BMPER: variants seen among roughly 807,000 people sequenced by gnomAD.
BMPER encodes the protein BMP-binding endothelial regulator protein.
In BMPER, 45 loss-of-function variants were observed where a neutral mutation model predicts 87.3. The ratio of observed to expected loss-of-function variants is 0.52; its 90% CI spans 0.41 to 0.66. The LOEUF (loss-of-function observed/expected upper bound fraction) is 0.66. Ranked by LOEUF, BMPER falls within the 30% of genes least tolerant of loss-of-function variation. BMPER has a pLI of 0.00. For synonymous variants in BMPER, 326 were observed against 316.2 expected (o/e 1.03, Z -0.33); for missense variants, 784 against 867.5 (o/e 0.90, Z 1.21).
intron 11 of BMPER, among the ~76,000 whole-genome samples, chr7:34,067,520 T>C (rs1788624894): frequency 6.6e-6 from 1 of 152,060 alleles, no homozygotes. Flanking sequence ...TGTAAGCAAC[T>C]CCAGGTCCCT....
Position 34,025,032 on chromosome 7 carries a change from A to G in BMPER, c.577-21274A>G, listed in dbSNP as rs182313393. ...AGGATATAAAGCTGTAGTAACTTGT[A>G]AGCAATGATTCAGGTGTTCTATTTT... On this transcript the variant is annotated intron_variant, in intron 6 of 14. Transcript: ENST00000649409. 2.2e-3 allele frequency among the ~76,000 whole-genome samples: 333 copies of G among 152,194 alleles called. 1 individual carries two copies. The highest frequency in any genetic ancestry group is 0.021 in the South Asian group (99 of 4,828).
In BMPER at chr7:33,954,038, A is replaced by G. The variant is rs187314302; in HGVS notation, c.320-12441A>G. ...TGAATATACTGCATTTTGTTTATCT[A>G]CTCATTTGTTGATAGACATTTGTGT... On this transcript the variant is annotated intron_variant, in intron 3 of 14. Transcript: ENST00000649409. Among the ~76,000 whole-genome samples the G allele has an allele frequency of 2.8e-4, 42 of 152,126 alleles. 1 individual carries two copies. The East Asian group carries it at 7.5e-3, about 27-fold the overall frequency.
chr7:33,991,972 G>T (rs1428285668), intron 6 of BMPER, among the ~76,000 whole-genome samples: 2 of 144,936 alleles, frequency 1.4e-5, no homozygotes, highest in African/African-American at 2.6e-5. Context: ...TTGCACTGTG[G>T]TCTGAGAGAT....
At chr7:34,150,797 G>A (rs963263304) in intron 14 of BMPER, among the ~76,000 whole-genome samples, 1 of 152,254 alleles carries the variant, frequency 6.6e-6, no homozygotes, top group East Asian at 1.9e-4. Context: ...CCTGCAGAAG[G>A]TAAAGAAACA....
chr7:33,965,126 G>A (rs1398460314), intron 3 of BMPER, among the ~76,000 whole-genome samples: 1 of 152,096 alleles, frequency 6.6e-6, no homozygotes, highest in Non-Finnish European at 1.5e-5. Flanking sequence ...GTGTGCTAGG[G>A]GTTCCTGTGG....
At chr7:34,091,870 C>G (rs1482320383) in intron 13 of BMPER, among the ~76,000 whole-genome samples, 1 of 152,146 alleles carries the variant, frequency 6.6e-6, no homozygotes, top group Non-Finnish European at 1.5e-5. Flanking sequence ...TTAGTTATTC[C>G]AATTGTGCTT....
At chr7:34,039,613 C>G (rs901987043) in intron 6 of BMPER, among the ~76,000 whole-genome samples, 1 of 150,326 alleles carries the variant, frequency 6.7e-6, no homozygotes, top group African/African-American at 2.5e-5. Flanking sequence ...TACACACACA[C>G]ACACACACAC....
rs115113322 is a variant in BMPER at position 34,118,348 on chromosome 7, C to A, written c.1746-24882C>A. Among the ~76,000 whole-genome samples the A allele has an allele frequency of 4.8e-3, 735 of 152,186 alleles. 6 individuals are homozygous for A. Among genetic ancestry groups the A allele is most frequent in the African/African-American group, 0.016 (656 of 41,538 alleles). On this transcript the variant is annotated intron_variant, in intron 13 of 14. Coordinates refer to ENST00000649409, the MANE Select transcript of BMPER (RefSeq NM_001365308.1). ...CAAAATAAAATCTAGGGTCACAAGA[C>A]GTAATTTAAAAGAAAGTAGCTCACT...
intron 6 of BMPER, among the ~76,000 whole-genome samples, chr7:34,011,203 G>A (rs1786865086): frequency 2.0e-5 from 3 of 151,704 alleles, no homozygotes; most frequent in Non-Finnish European, 4.4e-5. Flanking sequence ...AGACTATAAT[G>A]TGCCTATTAA....
intron 2 of BMPER, among the ~76,000 whole-genome samples, chr7:33,918,982 T>C (rs1784149197): frequency 6.6e-6 from 1 of 152,166 alleles, no homozygotes. Flanking sequence ...CCAGCCCTTT[T>C]ATCTCCCTGC....
At chr7:34,067,819 C>G (rs890879563) in intron 11 of BMPER, among the ~76,000 whole-genome samples, 1 of 152,210 alleles carries the variant, frequency 6.6e-6, no homozygotes, top group Non-Finnish European at 1.5e-5. Flanking sequence ...GGAAATCAGT[C>G]TGTCTTCTGT....
intron 6 of BMPER, among the ~76,000 whole-genome samples, chr7:34,020,922 G>T (rs1329491217): frequency 4.6e-5 from 7 of 151,608 alleles, no homozygotes; most frequent in East Asian, 2.0e-4. Flanking sequence ...ATATGTTATA[G>T]GGTGTGTGTG....
At chr7:33,941,784 TG>T (rs1471772584) in intron 3 of BMPER, among the ~76,000 whole-genome samples, 2 of 152,214 alleles carry the variant, frequency 1.3e-5, no homozygotes, top group African/African-American at 4.8e-5. Flanking sequence ...TCCTGATATG[TG>T]GCTCAGTTCC....
rs200852299 is a variant in BMPER, at chr7:34,085,827, T to C, written c.1480T>C (p.Cys494Arg). ...TGCGCCGCATCTCAAGGGCAAGCTC[T>C]GTGGTCTTTGTGGCAACTACAATGG... is the stretch of plus-strand genomic sequence containing the variant. Reference protein sequence around the residue: ...MAAPHLKGKLCGLCGNYNGHK... With the variant: ...MAAPHLKGKLRGLCGNYNGHK... Residue 494 changes from cysteine to arginine, a missense_variant, in exon 13 of 15, where the codon TGT becomes CGT. Coordinates refer to ENST00000649409, the MANE Select transcript of BMPER (RefSeq NM_001365308.1). The C allele has an allele frequency of 7.4e-6, 12 of 1,614,226 alleles. No individual in the cohort carries two copies. Among genetic ancestry groups the C allele is most frequent in the African/African-American group, 1.3e-5 (1 of 75,054 alleles).
rs1038474960 is a variant in BMPER at position 33,965,143 on chromosome 7, A to G, written c.320-1336A>G. On this transcript the variant is annotated intron_variant, in intron 3 of 14. Transcript: ENST00000649409. ...GTGCTAGGGGTTCCTGTGGTTGAAC[A>G]TTTTATCTCTGTAACACTTCATGCA... 5.9e-5 allele frequency among the ~76,000 whole-genome samples: 9 copies of G among 152,330 alleles called. No homozygotes were observed. The South Asian group carries it at 1.7e-3, about 28-fold the overall frequency.
chr7:34,127,594 C>T lies in BMPER; in HGVS notation c.1746-15636C>T, dbSNP rs551671181. ...AACACAGTGGGTTTAAATACAAACT[C>T]ATCATCTCTCCTCCGCTCCACCCCG... is the stretch of plus-strand genomic sequence containing the variant. On this transcript the variant is annotated intron_variant, in intron 13 of 14. Coordinates refer to ENST00000649409, the MANE Select transcript of BMPER (RefSeq NM_001365308.1). Among the ~76,000 whole-genome samples, 4 of 152,224 alleles carry T rather than the reference C, an allele frequency of 2.6e-5. No individual in the cohort carries two copies. The South Asian group carries it at 8.3e-4, about 32-fold the overall frequency.
At chr7:34,120,560 G>T (rs781243203) in intron 13 of BMPER, among the ~76,000 whole-genome samples, 2 of 152,034 alleles carry the variant, frequency 1.3e-5, no homozygotes, top group East Asian at 3.9e-4. Context: ...CATCACGCCC[G>T]GCTAATTTTG....
intron 13 of BMPER, among the ~76,000 whole-genome samples, chr7:34,111,491 G>A (rs1287959951): frequency 6.6e-6 from 1 of 152,168 alleles, no homozygotes; most frequent in Non-Finnish European, 1.5e-5. Flanking sequence ...GGTGGTCTAT[G>A]GAAAATAAAT....
At chr7:33,959,389 C>T (rs1042914100) in intron 3 of BMPER, among the ~76,000 whole-genome samples, 1 of 152,248 alleles carries the variant, frequency 6.6e-6, no homozygotes, top group African/African-American at 2.4e-5. Flanking sequence ...TATAATCTCA[C>T]AGGACTGTCT....
Sources: allele counts gnomAD v4.1 joint callset (sites outside exome capture counted in the v4.1 genomes callset), GRCh38; gene constraint gnomAD v4.1.1; transcripts MANE v1.5; gene names NCBI Gene and HGNC (gene_info 2026-07-23, HGNC 2026-07-21).